Variants in ERC2 observed in about 807,000 individuals in gnomAD.
ERC2 encodes ERC protein 2.
ERC2 carries 42 observed loss-of-function variants against 114.8 expected under a neutral mutation model. That is an observed-to-expected ratio of 0.37 (90% CI 0.29 to 0.47). The LOEUF (loss-of-function observed/expected upper bound fraction) is 0.47. Ranked by LOEUF, ERC2 falls within the 20% of genes least tolerant of loss-of-function variation. The pLI, the probability that ERC2 is intolerant of heterozygous loss-of-function variation, is 0.99. For missense variants in ERC2, 939 were observed against 1,150.7 expected, an observed-to-expected ratio of 0.82 and a Z score of 2.66; for synonymous variants, 454 against 425.5, an observed-to-expected ratio of 1.07 and a Z score of -0.82.
chr3:56,256,183 A>G (rs893225059), intron 3 of ERC2, among the ~76,000 whole-genome samples: 2 of 152,238 alleles, frequency 1.3e-5, no homozygotes, highest in African/African-American at 4.8e-5. Context: ...AAGAATGCCT[A>G]TGAATTGCCA....
chr3:56,057,450 G>A (rs1236138363), intron 7 of ERC2, among the ~76,000 whole-genome samples: 2 of 152,134 alleles, frequency 1.3e-5, no homozygotes, highest in Non-Finnish European at 2.9e-5. Context: ...AAAATCTTCA[G>A]AACAGTTGTA....
intron 17 of ERC2, chr3:55,606,811 C>G (rs928604138): frequency 6.6e-6 from 1 of 152,386 alleles, no homozygotes; most frequent in African/African-American, 2.4e-5. Context: ...ACCGGATCCT[C>G]CCCGCTGTCT....
chr3:55,590,992 C>T (rs1040360485), intron 17 of ERC2, among the ~76,000 whole-genome samples: 1 of 152,110 alleles, frequency 6.6e-6, no homozygotes, highest in Admixed American at 6.5e-5. Flanking sequence ...CCACGTCCAG[C>T]TAATTTTTGT....
At chr3:55,931,396 T>C (rs1305950721) in intron 13 of ERC2, among the ~76,000 whole-genome samples, 1 of 152,156 alleles carries the variant, frequency 6.6e-6, no homozygotes, top group Non-Finnish European at 1.5e-5. Flanking sequence ...ACATGGCACA[T>C]ATACACTATG....
chr3:55,584,832 G>C (rs538007552), intron 17 of ERC2, among the ~76,000 whole-genome samples: 9 of 152,356 alleles, frequency 5.9e-5, no homozygotes, highest in Non-Finnish European at 1.2e-4. Flanking sequence ...CCACCATGTA[G>C]TACTTGGGCA....
chr3:55,677,137 T>G (rs964682800), intron 17 of ERC2, among the ~76,000 whole-genome samples: 5 of 152,348 alleles, frequency 3.3e-5, no homozygotes, highest in Non-Finnish European at 4.4e-5. Context: ...AGCTCGCAAT[T>G]AATTATTTGT....
intron 3 of ERC2, among the ~76,000 whole-genome samples, chr3:56,201,968 A>G (rs1426096226): frequency 6.6e-6 from 1 of 152,218 alleles, no homozygotes; most frequent in Non-Finnish European, 1.5e-5. Context: ...AAATGCTGCC[A>G]TTAACTCAGA....
At chr3:56,001,832 T>C (rs1358617384) in intron 10 of ERC2, among the ~76,000 whole-genome samples, 1 of 152,172 alleles carries the variant, frequency 6.6e-6, no homozygotes, top group Non-Finnish European at 1.5e-5. Flanking sequence ...CTAGTAAGTA[T>C]GAAACAATTG....
chr3:55,816,971 C>A (rs1463717535), intron 14 of ERC2, among the ~76,000 whole-genome samples: 1 of 152,146 alleles, frequency 6.6e-6, no homozygotes, highest in African/African-American at 2.4e-5. Context: ...TCAAATGTGT[C>A]AAGATTCCTC....
chr3:55,893,939 C>A (rs2063728036), intron 13 of ERC2, among the ~76,000 whole-genome samples: 1 of 152,154 alleles, frequency 6.6e-6, no homozygotes, highest in African/African-American at 2.4e-5. Flanking sequence ...GCCTGATCAT[C>A]TGTAACAATA....
At chr3:56,459,982 C>T (rs1167137852) in intron 1 of ERC2, among the ~76,000 whole-genome samples, 2 of 152,124 alleles carry the variant, frequency 1.3e-5, no homozygotes, top group Non-Finnish European at 2.9e-5. Flanking sequence ...AGAAGTAATG[C>T]CCAAGAGGTT....
chr3:56,227,101 A>G (rs80260768), intron 3 of ERC2, among the ~76,000 whole-genome samples: 4,327 of 152,080 alleles, frequency 0.028, 69 homozygotes, highest in Middle Eastern at 0.054. Context: ...CTTGGATTCC[A>G]AGTCACTCAT....
At chr3:55,793,962 C>T (rs2070267864) in intron 14 of ERC2, among the ~76,000 whole-genome samples, 1 of 152,184 alleles carries the variant, frequency 6.6e-6, no homozygotes, top group Non-Finnish European at 1.5e-5. Context: ...AACATAGGCA[C>T]ACAGATTAGA....
At chr3:55,775,537 A>AAAATAAATAAATAAAT (rs10659476) in intron 14 of ERC2, among the ~76,000 whole-genome samples, 160 of 133,312 alleles carry the variant, frequency 1.2e-3, no homozygotes, top group East Asian at 3.3e-3. Context: ...ACCCTGTCTC[A>AAAATAAATAAATAAAT]AAATAAATAA....
At chr3:55,661,592 A>G (rs2061139612) in intron 17 of ERC2, among the ~76,000 whole-genome samples, 1 of 152,118 alleles carries the variant, frequency 6.6e-6, no homozygotes, top group African/African-American at 2.4e-5. Flanking sequence ...TACATAATCC[A>G]GGATACTCTC....
intron 14 of ERC2, among the ~76,000 whole-genome samples, chr3:55,841,499 G>A (rs1338156114): frequency 1.3e-5 from 2 of 152,142 alleles, no homozygotes; most frequent in African/African-American, 4.8e-5. Context: ...AAATTACCCA[G>A]TCTCGGGTAT....
intron 6 of ERC2, among the ~76,000 whole-genome samples, chr3:56,111,804 T>C (rs958576731): frequency 1.3e-5 from 2 of 152,264 alleles, no homozygotes; most frequent in Non-Finnish European, 2.9e-5. Flanking sequence ...TGACTGTTTT[T>C]TAATGTTTAG....
chr3:55,588,783 C>G (rs1259506632), intron 17 of ERC2, among the ~76,000 whole-genome samples: 2 of 152,184 alleles, frequency 1.3e-5, no homozygotes, highest in Non-Finnish European at 2.9e-5. Flanking sequence ...TGGCGCTTGA[C>G]TGGATCTGGG....
intron 6 of ERC2, among the ~76,000 whole-genome samples, chr3:56,108,350 G>A (rs2078779398): frequency 1.3e-5 from 2 of 151,696 alleles, no homozygotes; most frequent in Admixed American, 6.6e-5. Flanking sequence ...GTTTATCGCA[G>A]AACAACACAC....
Sources: allele counts gnomAD v4.1 joint callset (sites outside exome capture counted in the v4.1 genomes callset), GRCh38; gene constraint gnomAD v4.1.1; transcripts MANE v1.5; gene names NCBI Gene and HGNC (gene_info 2026-07-23, HGNC 2026-07-21).